The following LINGO2 variants were observed in gnomAD, a reference collection of about 807,000 sequenced individuals.
LINGO2 encodes leucine rich repeat and Ig domain containing 2.
In LINGO2, 14 loss-of-function variants were observed where a neutral mutation model predicts 30.6. That is an observed-to-expected ratio of 0.46 (90% confidence interval 0.30 to 0.72). The LOEUF (loss-of-function observed/expected upper bound fraction) is 0.72. Ranked by LOEUF, LINGO2 falls within the 30% of genes least tolerant of loss-of-function variation. The pLI is 0.07. For synonymous variants in LINGO2, 317 were observed against 288.5 expected (o/e 1.10, Z -1.00); for missense variants, 729 against 751.7 (o/e 0.97, Z 0.35).
chr9:28,297,326 A>T (rs1372941709), intron 3 of LINGO2, among the ~76,000 whole-genome samples: 1 of 152,168 alleles, frequency 6.6e-6, no homozygotes, highest in Non-Finnish European at 1.5e-5. Flanking sequence ...TTCAGCAGTG[A>T]TGATTTTCCA....
intron 4 of LINGO2, among the ~76,000 whole-genome samples, chr9:28,190,465 T>C (rs1347928563): frequency 6.6e-6 from 1 of 152,054 alleles, no homozygotes; most frequent in Non-Finnish European, 1.5e-5. Context: ...GCCATTGAGA[T>C]GTGATTATGT....
chr9:29,088,185 G>A, the LINGO2 span, among the ~76,000 whole-genome samples: 1 of 152,110 alleles, frequency 6.6e-6, no homozygotes, highest in Admixed American at 6.6e-5. Context: ...CATAATGAGT[G>A]CAATATTGCC....
chr9:28,660,664 T>C (rs528164870), intron 1 of LINGO2, among the ~76,000 whole-genome samples: 2 of 152,194 alleles, frequency 1.3e-5, no homozygotes, highest in Admixed American at 1.3e-4. Flanking sequence ...AAGAACATAC[T>C]TGCTAATTCA....
rs138044351 is a variant in LINGO2, at chr9:28,500,032, G to A, written c.-364-24007C>T. On this transcript the variant is annotated intron_variant, in intron 1 of 5. Coordinates refer to ENST00000379992, the Ensembl canonical transcript of LINGO2. ...TTCTTGATACTGCTTTTCCCCTTCA[G>A]TAGCAACCTCCGTCTCTAGTTCTCA... Among the ~76,000 whole-genome samples, 285 of 152,204 alleles carry A rather than the reference G, an allele frequency of 1.9e-3. 3 individuals carry two copies. The highest frequency in any genetic ancestry group is 6.6e-3 in the African/African-American group (274 of 41,530).
the LINGO2 span, among the ~76,000 whole-genome samples, chr9:29,092,093 C>T: frequency 6.6e-5 from 10 of 152,042 alleles, no homozygotes; most frequent in South Asian, 1.4e-3. Context: ...TACATTCCAG[C>T]CACTTTGCTA....
the LINGO2 span, among the ~76,000 whole-genome samples, chr9:28,723,015 C>T: frequency 6.6e-5 from 10 of 152,220 alleles, no homozygotes; most frequent in African/African-American, 2.4e-4. Flanking sequence ...GAAACAATTA[C>T]CCCAGAGTCT....
chr9:28,452,271 CAT>C (rs36111003), intron 2 of LINGO2, among the ~76,000 whole-genome samples: 20,037 of 151,656 alleles, frequency 0.13, 1,415 homozygotes, highest in South Asian at 0.22. Context: ...CAAGGACTCA[CAT>C]ATCTTAAGAA....
the LINGO2 span, among the ~76,000 whole-genome samples, chr9:28,901,403 C>A: frequency 6.6e-6 from 1 of 151,894 alleles, no homozygotes; most frequent in South Asian, 2.1e-4. Context: ...AGTAAGTACA[C>A]AAATTCAAAA....
At chr9:28,638,906 G>T (rs914320087) in intron 1 of LINGO2, among the ~76,000 whole-genome samples, 3 of 152,112 alleles carry the variant, frequency 2.0e-5, no homozygotes, top group African/African-American at 4.8e-5. Flanking sequence ...TTTGAATTGT[G>T]ATGTTAAGGT....
chr9:28,702,980 C>T, the LINGO2 span, among the ~76,000 whole-genome samples: 1 of 151,696 alleles, frequency 6.6e-6, no homozygotes, highest in African/African-American at 2.4e-5. Context: ...AGTGAGGTTA[C>T]CTCTTTCATT....
chr9:28,551,056 T>C (rs146365129), intron 1 of LINGO2, among the ~76,000 whole-genome samples: 39 of 152,002 alleles, frequency 2.6e-4, no homozygotes, highest in Admixed American at 7.9e-4. Flanking sequence ...CAATATAGTG[T>C]TCTCCACACA....
At chr9:28,385,757 T>G (rs1430365406) in intron 2 of LINGO2, among the ~76,000 whole-genome samples, 1 of 152,144 alleles carries the variant, frequency 6.6e-6, no homozygotes, top group African/African-American at 2.4e-5. Context: ...TAGCATACCT[T>G]TCCAGATAAC....
chr9:28,301,514 T>C (rs994568444), intron 3 of LINGO2, among the ~76,000 whole-genome samples: 3 of 152,190 alleles, frequency 2.0e-5, no homozygotes, highest in Admixed American at 2.0e-4. Context: ...TGAATCACCA[T>C]GTCTAGAGTG....
At chr9:28,325,193 T>G (rs951102255) in intron 3 of LINGO2, among the ~76,000 whole-genome samples, 5 of 152,068 alleles carry the variant, frequency 3.3e-5, no homozygotes, top group African/African-American at 1.2e-4. Context: ...CCCTGAATTC[T>G]CTTTCCTTAG....
At chr9:28,310,531 C>G (rs1042627878) in intron 3 of LINGO2, among the ~76,000 whole-genome samples, 1 of 152,016 alleles carries the variant, frequency 6.6e-6, no homozygotes, top group Admixed American at 6.6e-5. Flanking sequence ...TTACAGAAAG[C>G]CATTCTGTAA....
chr9:28,386,964 T>TA (rs1292629914), intron 2 of LINGO2, among the ~76,000 whole-genome samples: 1 of 152,188 alleles, frequency 6.6e-6, no homozygotes, highest in Non-Finnish European at 1.5e-5. Context: ...GATAAATAAT[T>TA]ACAATGCAAT....
At chr9:28,152,555 G>C (rs1202888929) in intron 4 of LINGO2, among the ~76,000 whole-genome samples, 1 of 152,104 alleles carries the variant, frequency 6.6e-6, no homozygotes, top group Non-Finnish European at 1.5e-5. Context: ...AACAAAAAGA[G>C]AGAACCTCAC....
chr9:28,974,267 G>C, the LINGO2 span, among the ~76,000 whole-genome samples: 1 of 151,290 alleles, frequency 6.6e-6, no homozygotes, highest in Non-Finnish European at 1.5e-5. Context: ...GTAGCTGGGC[G>C]TGGTGGCGGG....
chr9:28,555,846 A>C (rs373375256), intron 1 of LINGO2, among the ~76,000 whole-genome samples: 16 of 151,892 alleles, frequency 1.1e-4, no homozygotes, highest in African/African-American at 1.5e-4. Flanking sequence ...GTTCAATATA[A>C]GCAAATCAAT....
Sources: allele counts gnomAD v4.1 joint callset (sites outside exome capture counted in the v4.1 genomes callset), GRCh38; gene constraint gnomAD v4.1.1; transcripts MANE v1.5; gene names NCBI Gene and HGNC (gene_info 2026-07-23, HGNC 2026-07-21).